Variants in SLC15A3 observed in about 807,000 individuals in gnomAD.
SLC15A3 encodes the protein solute carrier family 15 member 3.
A neutral mutation model predicts 49.2 loss-of-function variants in SLC15A3; 39 were observed. That is an observed-to-expected ratio of 0.79 (90% CI 0.61 to 1.04). The LOEUF is 1.04. Among genes scored for constraint, SLC15A3 ranks in the 50% least tolerant of loss-of-function variants. The probability of loss-of-function intolerance (pLI) is 0.00; values close to 1 mark genes in which losing one functional copy is unlikely to be tolerated. For missense variants in SLC15A3, 758 were observed against 794.8 expected (o/e 0.95, Z 0.56); for synonymous variants, 339 against 367.0 (o/e 0.92, Z 0.87).
chr11:60,945,721 C>T (rs563088752), intron 2 of SLC15A3, among the ~76,000 whole-genome samples: 2 of 152,318 alleles, frequency 1.3e-5, no homozygotes, highest in African/African-American at 4.8e-5. Context: ...TCATTCAGAA[C>T]CTTCCTCCTT....
chr11:60,946,512 C>T lies in SLC15A3; in HGVS notation c.848+20G>A, dbSNP rs1443515314. 6.5e-7 allele frequency: 1 copy of T among 1,530,076 alleles called. No homozygotes were observed. Among genetic ancestry groups the T allele is most frequent in the Non-Finnish European group, 8.8e-7 (1 of 1,138,546 alleles). The allele number at this position is 1,530,076 out of a possible 1,614,324, so 94.8% of individuals were successfully genotyped here. On this transcript the variant is annotated intron_variant, in intron 2 of 7. Coordinates refer to ENST00000227880, the MANE Select transcript of SLC15A3 (RefSeq NM_016582.3). ...CTTCTCCAGGCTTGGAGGCTCCCTG[C>T]ACCCAGAGCCCCTCCTTACCTGGCC...
intron 1 of SLC15A3, among the ~76,000 whole-genome samples, chr11:60,947,411 C>T (rs1173438232): frequency 6.6e-6 from 1 of 152,200 alleles, no homozygotes; most frequent in Non-Finnish European, 1.5e-5. Flanking sequence ...GATCTCCTGA[C>T]CTCGTGATCC....
In SLC15A3 at chr11:60,946,545, G is replaced by C. The variant is rs116597710; in HGVS notation, c.835C>G (p.Arg279Gly). 1.9e-6 allele frequency: 3 copies of C among 1,566,322 alleles called. No individual in the cohort carries two copies. Among genetic ancestry groups the C allele is most frequent in the East Asian group, 4.5e-5 (2 of 44,284 alleles). The change falls in exon 2 of 8, where the codon CGA (arginine) becomes GGA (glycine). Residue 279 changes from arginine to glycine, a missense_variant. Arg to Gly is a moderately radical substitution (Grantham distance 125). Transcript: ENST00000227880. ...LQNCCPQLWQRHSARDRQCAR... is the reference protein window; with the variant it reads ...LQNCCPQLWQGHSARDRQCAR... The stretch of plus-strand genomic sequence containing the variant: ...GCCCCTCCTTACCTGGCCGAGTGTC[G>C]TTGCCACAGCTGGGGGCAGCAGTTT...
Position 60,946,705 on chromosome 11 carries a change from G to T in SLC15A3, c.675C>A (p.Ser225Arg), listed in dbSNP as rs778489653. The change falls in exon 2 of 8, where the codon AGC becomes AGA. Residue 225 changes from serine (S) to arginine (R), a missense_variant. Physicochemically the swap from Ser to Arg is moderately radical, Grantham distance 110. Transcript: ENST00000227880. ...CAGGGATGCTGTAGCCCAGCAGGAA[G>T]CTGATGTTCTGCTGAATAAACGCCA... Reference protein sequence around the residue: ...LVVAFIQQNISFLLGYSIPVG... With the variant: ...LVVAFIQQNIRFLLGYSIPVG... 6 of 1,614,240 alleles carry T rather than the reference G, an allele frequency of 3.7e-6. No homozygotes were observed. Among genetic ancestry groups the T allele is most frequent in the Middle Eastern group, 1.6e-4 (1 of 6,062 alleles).
chr11:60,937,084 T>C lies in SLC15A3; in HGVS notation c.*135A>G, dbSNP rs148231181. The C allele has an allele frequency of 2.5e-4, 338 of 1,377,234 alleles. 3 individuals are homozygous for C. The highest frequency in any genetic ancestry group is 6.3e-5 in the Non-Finnish European group (65 of 1,032,128). 85.3% of individuals were successfully genotyped at this position (1,377,234 alleles called of 1,614,324 possible). A position where few individuals can be genotyped will look rare whatever the true frequency, so the allele number is the denominator to read the frequency against. Reference sequence around the variant, plus strand: ...CCCTGCCCCTTGTCATGGACCATGGTCGTGAGGAAGGGCTCATGCCCCTTA... The same window carrying C: ...CCCTGCCCCTTGTCATGGACCATGGCCGTGAGGAAGGGCTCATGCCCCTTA... On this transcript the variant is annotated 3_prime_UTR_variant, in exon 8 of 8. Coordinates refer to ENST00000227880, the MANE Select transcript of SLC15A3 (RefSeq NM_016582.3).
Position 60,946,801 on chromosome 11 carries a change from G to C in SLC15A3, c.579C>G (p.Asp193Glu). 1 of 1,611,466 alleles carries C rather than the reference G, an allele frequency of 6.2e-7. No individual in the cohort carries two copies. The highest frequency in any genetic ancestry group is 8.5e-7 in the Non-Finnish European group (1 of 1,179,396). Residue 193 changes from aspartate to glutamate, a missense_variant, in exon 2 of 8, where the codon GAC becomes GAG. Transcript: ENST00000227880. ...ACCAGTTGAAGAAGCGGCGGGTGGC[G>C]TCGCGGCCGAGATCCATCACCTGCC... is the stretch of plus-strand genomic sequence containing the variant. ...GADQVMDLGR[D>E]ATRRFFNWFY...
rs1554986438 is a variant in SLC15A3, at chr11:60,949,564, G to GAAAGAAAGAAAAGAAAAGA, written c.558+1429_558+1430insTCTTTTCTTTTCTTTCTTT. On this transcript the variant is annotated intron_variant, in intron 1 of 7. Transcript: ENST00000227880. The stretch of plus-strand genomic sequence containing the variant: ...AGAAAGAAAGAAAGAAAGAAAGAAA[G>GAAAGAAAGAAAAGAAAAGA]AAAGAAAAGAGATGGCCAGGGCTGG... 4.0e-4 allele frequency among the ~76,000 whole-genome samples: 47 copies of GAAAGAAAGAAAAGAAAAGA among 118,016 alleles called. 1 individual carries two copies. Among genetic ancestry groups the GAAAGAAAGAAAAGAAAAGA allele is most frequent in the East Asian group, 1.9e-3 (7 of 3,782 alleles). The allele number at this position is 118,016 out of a possible 152,430, so 77.4% of individuals were successfully genotyped here. A position where few individuals can be genotyped will look rare whatever the true frequency, so the allele number is the denominator to read the frequency against.
chr11:60,946,070 C>G (rs555651942), intron 2 of SLC15A3, among the ~76,000 whole-genome samples: 1 of 152,142 alleles, frequency 6.6e-6, no homozygotes, highest in East Asian at 1.9e-4. Flanking sequence ...ATGGCTCACT[C>G]CAGCCTCAAC....
rs201852183 is a variant in SLC15A3, at chr11:60,937,268, G to A, written c.1697C>T (p.Ala566Val). ...GCTGTGGGAGGCTGGGCCCTGGGAC[G>A]CCCTCTCATAGCGTCCAGCGATCCA... is the stretch of plus-strand genomic sequence containing the variant. ...FVWIAGRYER[A>V]SQGPASHSRF... is the part of the protein sequence containing the mutation. Residue 566 changes from alanine to valine, a missense_variant, in exon 8 of 8, where the codon GCG (alanine) becomes GTG (valine). Coordinates refer to ENST00000227880, the MANE Select transcript of SLC15A3 (RefSeq NM_016582.3). 49 of 1,614,004 alleles carry A rather than the reference G, an allele frequency of 3.0e-5. 1 individual carries two copies. In the Middle Eastern group the frequency reaches 1.2e-3, roughly 38 times the overall value.
Position 60,951,228 on chromosome 11 carries a change from C to G in SLC15A3, c.324G>C (p.Leu108=), listed in dbSNP as rs763447859. Residue 108 remains leucine (L), a synonymous_variant, in exon 1 of 8, where the codon CTG becomes CTC. Transcript: ENST00000227880. ...GGCCCGAGGCGGCCAGGTAGAGCAG[C>G]AGGCTGAGCGCGACCGCGCGGTAGC... The part of the protein sequence containing the change: ...LGRYRAVALS[L]LLYLAASGLL... 2.5e-5 allele frequency: 37 copies of G among 1,510,144 alleles called. No individual in the cohort carries two copies. In the South Asian group the frequency reaches 4.6e-4, roughly 19 times the overall value. 93.5% of individuals were successfully genotyped at this position (1,510,144 alleles called of 1,614,324 possible). A position where few individuals can be genotyped will look rare whatever the true frequency, so the allele number is the denominator to read the frequency against.
At chr11:60,941,903 T>C (rs1856714432) in intron 4 of SLC15A3, 132 bp downstream of exon 4, 1 of 844,314 alleles carries the variant, frequency 1.2e-6, no homozygotes, top group Non-Finnish European at 1.9e-6. Context: ...ACCCTCCAGG[T>C]GCTTTTCCTG....
chr11:60,946,149 C>T (rs1565128407), intron 2 of SLC15A3, among the ~76,000 whole-genome samples: 1 of 152,112 alleles, frequency 6.6e-6, no homozygotes, highest in African/African-American at 2.4e-5. Context: ...CAGGCCACCA[C>T]ACCCCACTAA....
At chr11:60,950,951 C>T in intron 1 of SLC15A3, 43 bp downstream of exon 1, 1 of 1,398,158 alleles carries the variant, frequency 7.2e-7, no homozygotes. Flanking sequence ...TCCTTCCCTC[C>T]ACACCCGCCG....
At chr11:60,948,448 G>A (rs979494739) in intron 1 of SLC15A3, among the ~76,000 whole-genome samples, 1 of 152,198 alleles carries the variant, frequency 6.6e-6, no homozygotes, top group African/African-American at 2.4e-5. Context: ...GGCCCTTTCT[G>A]AAATCAGCAA....
chr11:60,941,673 A>G (rs894630754), intron 4 of SLC15A3: 6 of 321,128 alleles, frequency 1.9e-5, no homozygotes, highest in African/African-American at 1.3e-4. Flanking sequence ...ACTGGTTTAG[A>G]AAGTTCTGGG....
chr11:60,942,035 C>G lies in SLC15A3; in HGVS notation c.1107G>C (p.Thr369=). The G allele has an allele frequency of 6.2e-7, 1 of 1,613,686 alleles. No individual in the cohort carries two copies. The highest frequency in any genetic ancestry group is 1.1e-5 in the South Asian group (1 of 91,038). Residue 369 remains threonine (T), a splice_region_variant and synonymous_variant, in exon 4 of 8, where the codon ACG becomes ACC. Coordinates refer to ENST00000227880, the MANE Select transcript of SLC15A3 (RefSeq NM_016582.3). ...GCCGAACACATGCTTTATCTCTCAC[C>G]GTGTAGCTGCTGCCCTGGGCTCTCA... is the stretch of plus-strand genomic sequence containing the variant. ...VALRAQGSSY[T]IPEAWLLLAN...
At chr11:60,940,838 G>T in intron 5 of SLC15A3, 1 of 282,102 alleles carries the variant, frequency 3.5e-6, no homozygotes. Flanking sequence ...GTTCATAGCA[G>T]TGAATAAAAA....
In SLC15A3 at chr11:60,946,673, C is replaced by T. The variant is rs1309137806; in HGVS notation, c.707G>A (p.Cys236Tyr). ...FLLGYSIPVG[C>Y]VGLAFFIFLF... Reference sequence around the variant, plus strand: ...GAAGATGAAAAATGCCAGGCCCACACAGCCCACAGGGATGCTGTAGCCCAG... The same window carrying T: ...GAAGATGAAAAATGCCAGGCCCACATAGCCCACAGGGATGCTGTAGCCCAG... The change falls in exon 2 of 8, where the codon TGT (cysteine) becomes TAT (tyrosine). Residue 236 changes from cysteine to tyrosine, a missense_variant. Physicochemically the swap from Cys to Tyr is radical, Grantham distance 194. This residue lies in a region of SLC15A3 where 699 missense variants were observed against 706.7 expected (regional missense o/e 0.99). Transcript: ENST00000227880. 4 of 1,614,076 alleles carry T rather than the reference C, an allele frequency of 2.5e-6. No homozygotes were observed. Among genetic ancestry groups the T allele is most frequent in the African/African-American group, 1.3e-5 (1 of 74,936 alleles).
chr11:60,939,153 T>G (rs1590635520), intron 6 of SLC15A3, among the ~76,000 whole-genome samples: 1 of 152,186 alleles, frequency 6.6e-6, no homozygotes, highest in Non-Finnish European at 1.5e-5. Context: ...GAAGGGGATA[T>G]TGGAGTTCAC....
Sources: allele counts gnomAD v4.1 joint callset (sites outside exome capture counted in the v4.1 genomes callset), GRCh38; gene constraint gnomAD v4.1.1; regional missense constraint gnomAD v4.1.1; transcripts MANE v1.5; gene names NCBI Gene and HGNC (gene_info 2026-07-23, HGNC 2026-07-21).